Variants in FLT3 observed in about 807,000 individuals in gnomAD.
The protein encoded by FLT3 is receptor-type tyrosine-protein kinase FLT3.
Under a neutral mutation model 126.6 loss-of-function variants are expected in FLT3, and 46 were observed. The ratio of observed to expected loss-of-function variants is 0.36; its 90% CI spans 0.29 to 0.46. The LOEUF (loss-of-function observed/expected upper bound fraction) is 0.46, where lower values mean the gene tolerates loss of function less well. FLT3 is among the 20% of genes least tolerant of loss of function. The pLI, the probability that FLT3 is intolerant of heterozygous loss-of-function variation, is 1.00. For missense variants in FLT3, 1,069 were observed against 1,190.3 expected (o/e 0.90, Z 1.50); for synonymous variants, 404 against 434.4 (o/e 0.93, Z 0.87).
At chr13:28,008,759 G>T (rs918059582) in intron 23 of FLT3, among the ~76,000 whole-genome samples, 3 of 152,116 alleles carry the variant, frequency 2.0e-5, no homozygotes, top group Non-Finnish European at 4.4e-5. Context: ...GATTACAGGC[G>T]TGAGCTACCA....
At chr13:28,088,358 G>A (rs1475005125) in intron 1 of FLT3, among the ~76,000 whole-genome samples, 4 of 151,726 alleles carry the variant, frequency 2.6e-5, no homozygotes, top group East Asian at 1.9e-4. Context: ...CACAATCTCA[G>A]CTCACTGCAA....
At chr13:28,039,404 T>C (rs1001955286) in intron 9 of FLT3, among the ~76,000 whole-genome samples, 1 of 152,054 alleles carries the variant, frequency 6.6e-6, no homozygotes, top group East Asian at 1.9e-4. Context: ...GGTTTCACCA[T>C]GTTGGCCAGG....
Position 28,004,096 on chromosome 13 carries a change from C to T in FLT3, c.2938G>A (p.Asp980Asn). 6.2e-7 allele frequency: 1 copy of T among 1,614,094 alleles called. No individual in the cohort carries two copies. The highest frequency in any genetic ancestry group is 8.5e-7 in the Non-Finnish European group (1 of 1,180,024). The change falls in exon 24 of 24, where the codon GAT becomes AAT. Residue 980 changes from aspartate to asparagine, a missense_variant. By Grantham distance (23) the Asp-to-Asn change is conservative. Transcript: ENST00000241453. ...QNRRPFSREM[D>N]LGLLSPQAQV... ...GCCTGCGGAGAGAGTAGCCCCAAAT[C>T]CATCTCTCTGCTGAAAGGTCGCCTG...
At chr13:28,027,914 C>A (rs1412310849) in intron 16 of FLT3, among the ~76,000 whole-genome samples, 2 of 152,178 alleles carry the variant, frequency 1.3e-5, no homozygotes, top group African/African-American at 4.8e-5. Context: ...AATGTACTTG[C>A]AATGTTGTTG....
chr13:28,095,816 C>G (rs1879415279), intron 1 of FLT3, among the ~76,000 whole-genome samples: 1 of 152,082 alleles, frequency 6.6e-6, no homozygotes, highest in Non-Finnish European at 1.5e-5. Context: ...ATGAGAGGAA[C>G]ACAAAGAACC....
chr13:28,049,211 G>C (rs149308734), intron 8 of FLT3, among the ~76,000 whole-genome samples, 173 bp downstream of exon 8: 14 of 152,256 alleles, frequency 9.2e-5, no homozygotes, highest in African/African-American at 3.1e-4. Context: ...CTGGTTTAAC[G>C]GGAAAAGGAA....
chr13:28,006,704 A>G (rs1332432536), intron 23 of FLT3, among the ~76,000 whole-genome samples: 1 of 125,528 alleles, frequency 8.0e-6, no homozygotes, highest in African/African-American at 2.9e-5. Context: ...ACTCTTTTCC[A>G]TTTCTTTAAG....
rs780825221 is a variant in FLT3, at chr13:28,037,310, A to G, written c.1206-22T>C. The G allele has an allele frequency of 3.4e-6, 5 of 1,472,358 alleles. No homozygotes were observed. The East Asian group carries it at 9.1e-5, about 27-fold the overall frequency. The allele number at this position is 1,472,358 out of a possible 1,614,324, so 91.2% of individuals were successfully genotyped here. A position where few individuals can be genotyped will look rare whatever the true frequency, so the allele number is the denominator to read the frequency against. On this transcript the variant is annotated intron_variant, in intron 9 of 23. Transcript: ENST00000241453. ...TATGCTGTTTGAAAAAGAATTAAAG[A>G]CAGATTTAGCCCAATTGCTACAGGA...
At chr13:28,073,586 A>T (rs9581973) in intron 1 of FLT3, among the ~76,000 whole-genome samples, 1 of 151,996 alleles carries the variant, frequency 6.6e-6, no homozygotes, top group Non-Finnish European at 1.5e-5. Context: ...GCACATTAAA[A>T]GTATACAATT....
intron 1 of FLT3, among the ~76,000 whole-genome samples, chr13:28,071,027 CTCTG>C (rs1877465854): frequency 7.8e-6 from 1 of 127,528 alleles, no homozygotes; most frequent in Non-Finnish European, 1.6e-5. Flanking sequence ...TGGAGTCTCG[CTCTG>C]TCGCCCAGGC....
Position 28,050,189 on chromosome 13 carries a change from C to CT in FLT3, c.647dup (p.Glu217GlyfsTer7). Reference sequence around the variant, plus strand: ...ATAATTCATGAAGCACTTTTTCCTCCTTTTTAACAACAGCTGGACTTTCTT... The same window carrying CT: ...ATAATTCATGAAGCACTTTTTCCTCCTTTTTTAACAACAGCTGGACTTTCTT... On this transcript the variant is annotated frameshift_variant, in exon 6 of 24. Coordinates refer to ENST00000241453, the MANE Select transcript of FLT3 (RefSeq NM_004119.3). LOFTEE classifies it high-confidence loss of function. 1 of 1,614,028 alleles carries CT rather than the reference C, an allele frequency of 6.2e-7. No homozygotes were observed. The highest frequency in any genetic ancestry group is 8.5e-7 in the Non-Finnish European group (1 of 1,179,890).
At chr13:28,016,330 G>A (rs1871854686) in intron 20 of FLT3, among the ~76,000 whole-genome samples, 1 of 151,950 alleles carries the variant, frequency 6.6e-6, no homozygotes, top group African/African-American at 2.4e-5. Flanking sequence ...GAGTGCAATG[G>A]CGCTATCTCA....
intron 16 of FLT3, 148 bp from the exon 17 acceptor site, chr13:28,027,389 T>C: frequency 1.9e-6 from 1 of 519,744 alleles, no homozygotes; most frequent in South Asian, 3.6e-5. Flanking sequence ...GCTCTTCTTA[T>C]ACTTTAAATT....
intron 23 of FLT3, among the ~76,000 whole-genome samples, chr13:28,008,879 C>G (rs1186376386): frequency 6.6e-6 from 1 of 152,156 alleles, no homozygotes; most frequent in Non-Finnish European, 1.5e-5. Flanking sequence ...ACTAACAATG[C>G]ATGTTAACAA....
chr13:28,016,895 C>T (rs975119780), intron 20 of FLT3, among the ~76,000 whole-genome samples: 5 of 152,124 alleles, frequency 3.3e-5, no homozygotes, highest in African/African-American at 1.2e-4. Context: ...TTTGACTTTT[C>T]ACATTTACTG....
chr13:28,040,425 C>T (rs1035557140), intron 9 of FLT3, among the ~76,000 whole-genome samples: 1 of 152,016 alleles, frequency 6.6e-6, no homozygotes, highest in African/African-American at 2.4e-5. Flanking sequence ...AGTTGGTCCC[C>T]AAGACTCAAA....
chr13:28,092,296 G>A (rs1422962015), intron 1 of FLT3, among the ~76,000 whole-genome samples: 1 of 151,828 alleles, frequency 6.6e-6, no homozygotes, highest in Non-Finnish European at 1.5e-5. Context: ...ACAGGATCCA[G>A]AAACCCAGAA....
At chr13:28,064,764 G>A (rs966609290) in intron 2 of FLT3, among the ~76,000 whole-genome samples, 3 of 152,014 alleles carry the variant, frequency 2.0e-5, no homozygotes, top group Admixed American at 2.0e-4. Flanking sequence ...CATTGCTGGG[G>A]GAACACACCC....
intron 9 of FLT3, among the ~76,000 whole-genome samples, chr13:28,041,298 C>T (rs1207556013): frequency 1.3e-5 from 2 of 152,056 alleles, no homozygotes; most frequent in African/African-American, 4.8e-5. Context: ...TGGCCAAAGA[C>T]CCTGAAAAAG....
Sources: allele counts gnomAD v4.1 joint callset (sites outside exome capture counted in the v4.1 genomes callset), GRCh38; gene constraint gnomAD v4.1.1; transcripts MANE v1.5; gene names NCBI Gene and HGNC (gene_info 2026-07-23, HGNC 2026-07-21).